The following PI15 variants were observed in gnomAD, a reference collection of about 807,000 sequenced individuals.
PI15 encodes peptidase inhibitor 15, also known as 25 kDa trypsin inhibitor.
Under a neutral mutation model 31.0 loss-of-function variants are expected in PI15, and 18 were observed. That is an observed-to-expected ratio of 0.58 (90% CI 0.40 to 0.86). The LOEUF (loss-of-function observed/expected upper bound fraction) is 0.86, where lower values mean the gene tolerates loss of function less well. PI15 is among the 40% of genes least tolerant of loss of function. PI15 has a pLI of 0.00. For missense variants in PI15, 282 were observed against 328.1 expected, an observed-to-expected ratio of 0.86 and a Z score of 1.09; for synonymous variants, 118 against 119.1, an observed-to-expected ratio of 0.99 and a Z score of 0.06.
rs1483754475 is a variant in PI15 at position 74,850,957 on chromosome 8, A to T, written c.*1704A>T. On this transcript the variant is annotated 3_prime_UTR_variant, in exon 6 of 6. Transcript: ENST00000260113. Reference sequence around the variant, plus strand: ...AAGCTACTTGTTTAAAATTCCATACACGTTTGCAGTTTCTTGTACACATTT... The same window carrying T: ...AAGCTACTTGTTTAAAATTCCATACTCGTTTGCAGTTTCTTGTACACATTT... 1 of 152,540 alleles carries T rather than the reference A, an allele frequency of 6.6e-6. No individual in the cohort carries two copies. The highest frequency in any genetic ancestry group is 2.4e-5 in the African/African-American group (1 of 41,440). The allele number at this position is 152,540 out of a possible 1,614,324, so 9.4% of individuals were successfully genotyped here.
chr8:74,827,002 T>C (rs894528100), intron 2 of PI15, among the ~76,000 whole-genome samples: 10 of 152,102 alleles, frequency 6.6e-5, no homozygotes, highest in Non-Finnish European at 1.2e-4. Context: ...AGCAAACACA[T>C]TTTTAAAATT....
chr8:74,847,248 C>T (rs1170346950), intron 5 of PI15, among the ~76,000 whole-genome samples: 3 of 151,932 alleles, frequency 2.0e-5, no homozygotes, highest in Admixed American at 6.6e-5. Context: ...GAGTTCAAGA[C>T]CAGCCTGACC....
Position 74,825,012 on chromosome 8 carries a change from C to T in PI15, c.-40-198C>T, listed in dbSNP as rs1810670993. ...TTTTTCTCTGCTATACAAAGTTCCT[C>T]TTAGGGGTCTGCCTCATGACACTAA... is the stretch of plus-strand genomic sequence containing the variant. On this transcript the variant is annotated intron_variant, in intron 1 of 5. Transcript: ENST00000260113. 8.9e-6 allele frequency: 5 copies of T among 561,870 alleles called. No individual in the cohort carries two copies. The East Asian group carries it at 1.1e-4, about 13-fold the overall frequency. The allele number at this position is 561,870 out of a possible 1,614,324, so 34.8% of individuals were successfully genotyped here. A position where few individuals can be genotyped will look rare whatever the true frequency, so the allele number is the denominator to read the frequency against.
At chr8:74,841,866 T>G (rs1810950837) in intron 2 of PI15, among the ~76,000 whole-genome samples, 1 of 152,242 alleles carries the variant, frequency 6.6e-6, no homozygotes, top group Non-Finnish European at 1.5e-5. Flanking sequence ...TTATATGACC[T>G]CTGTGAGTGA....
At chr8:74,830,833 A>G (rs1201719731) in intron 2 of PI15, among the ~76,000 whole-genome samples, 2 of 152,174 alleles carry the variant, frequency 1.3e-5, no homozygotes, top group Non-Finnish European at 2.9e-5. Flanking sequence ...TCTCCAATGC[A>G]TGCTTTCGTG....
At chr8:74,826,762 A>G (rs907244019) in intron 2 of PI15, among the ~76,000 whole-genome samples, 2 of 152,078 alleles carry the variant, frequency 1.3e-5, no homozygotes. Flanking sequence ...ATATGAAGAT[A>G]AAGGTGGTAT....
intron 5 of PI15, 22 bp downstream of exon 5, chr8:74,845,519 AT>A: frequency 7.0e-7 from 1 of 1,423,552 alleles, no homozygotes; most frequent in Non-Finnish European, 9.9e-7. Context: ...GTTGGATTCT[AT>A]TTCCTGGATC....
chr8:74,836,329 G>A (rs184089835), intron 2 of PI15, among the ~76,000 whole-genome samples: 5 of 152,242 alleles, frequency 3.3e-5, no homozygotes, highest in African/African-American at 4.8e-5. Context: ...TGTCATTCAC[G>A]GATACCAGGA....
chr8:74,853,622 T>G lies in PI15; in HGVS notation c.*4369T>G. ...GGTGGTTATGAAGACAAATTCTTAA[T>G]GGCTACTTGACCTACAGCAAAAGCC... On this transcript the variant is annotated 3_prime_UTR_variant, in exon 6 of 6. Transcript: ENST00000260113. 6.6e-6 allele frequency: 1 copy of G among 152,656 alleles called. No individual in the cohort carries two copies. 9.5% of individuals were successfully genotyped at this position (152,656 alleles called of 1,614,324 possible).
chr8:74,841,792 A>T (rs1263097218), intron 2 of PI15, among the ~76,000 whole-genome samples: 1 of 152,184 alleles, frequency 6.6e-6, no homozygotes, highest in Non-Finnish European at 1.5e-5. Flanking sequence ...ATATTTGATA[A>T]ATCAATTTTC....
chr8:74,840,803 A>C (rs1285387421), intron 2 of PI15, among the ~76,000 whole-genome samples: 2 of 152,172 alleles, frequency 1.3e-5, no homozygotes, highest in African/African-American at 4.8e-5. Flanking sequence ...AAACCCTCCT[A>C]GTTTCCTAAA....
rs1460556586 is a variant in PI15, at chr8:74,842,412, A to T, written c.274-1569A>T. Among the ~76,000 whole-genome samples, 3 of 152,138 alleles carry T rather than the reference A, an allele frequency of 2.0e-5. No individual in the cohort carries two copies. The South Asian group carries it at 6.2e-4, about 32-fold the overall frequency. ...ATTTTTCCAGGTAGAATAATATATA[A>T]ATATTATAAATAGTTTAGGAAATAA... On this transcript the variant is annotated intron_variant, in intron 2 of 5. Transcript: ENST00000260113.
In PI15 at chr8:74,825,196, T is replaced by C. The variant is rs1349763414; in HGVS notation, c.-40-14T>C. The C allele has an allele frequency of 2.6e-6, 4 of 1,557,282 alleles. No homozygotes were observed. Among genetic ancestry groups the C allele is most frequent in the East Asian group, 4.5e-5 (2 of 44,454 alleles). On this transcript the variant is annotated splice_polypyrimidine_tract_variant and intron_variant, in intron 1 of 5. Transcript: ENST00000260113. ...TTTTTTCATAGACCCTAACTCTACCTTTCTGCTTTAAAGCAAAGTAAACTC... is the reference window on the plus strand; with the variant it reads ...TTTTTTCATAGACCCTAACTCTACCCTTCTGCTTTAAAGCAAAGTAAACTC...
At position 74,849,407 on chromosome 8, in the gene PI15, ATGTT is replaced by A. The variant is rs1811073541; in HGVS notation, c.*160_*163del. 1 of 522,470 alleles carries A rather than the reference ATGTT, an allele frequency of 1.9e-6. No homozygotes were observed. The highest frequency in any genetic ancestry group is 2.0e-5 in the African/African-American group (1 of 50,398). 32.4% of individuals were successfully genotyped at this position (522,470 alleles called of 1,614,324 possible). Reference sequence around the variant, plus strand: ...TTGTATAAATTAGTGTTTGTCTAGCATGTTTGTTTAATCCTTTGAAATATTTGAA... The same window carrying A: ...TTGTATAAATTAGTGTTTGTCTAGCATGTTTAATCCTTTGAAATATTTGAA... On this transcript the variant is annotated 3_prime_UTR_variant, in exon 6 of 6. Coordinates refer to ENST00000260113, the MANE Select transcript of PI15 (RefSeq NM_015886.5).
chr8:74,849,027 T>G, intron 5 of PI15, 91 bp from the exon 6 acceptor site: 2 of 1,076,202 alleles, frequency 1.9e-6, no homozygotes, highest in Non-Finnish European at 2.7e-6. Context: ...TCATCACATG[T>G]CAATACTTGT....
Position 74,849,317 on chromosome 8 carries a change from G to A in PI15, c.*64G>A. ...AACATGGGCATGTATATATATATAT[G>A]GAGAGAGAATTTTGCACATATTATA... On this transcript the variant is annotated 3_prime_UTR_variant, in exon 6 of 6. Coordinates refer to ENST00000260113, the MANE Select transcript of PI15 (RefSeq NM_015886.5). 1.6e-6 allele frequency: 2 copies of A among 1,218,324 alleles called. No individual in the cohort carries two copies. Among genetic ancestry groups the A allele is most frequent in the Admixed American group, 4.9e-5 (2 of 40,850 alleles). The allele number at this position is 1,218,324 out of a possible 1,614,324, so 75.5% of individuals were successfully genotyped here. A position where few individuals can be genotyped will look rare whatever the true frequency, so the allele number is the denominator to read the frequency against.
chr8:74,845,425 C>T lies in PI15; in HGVS notation c.569C>T (p.Thr190Ile), dbSNP rs1811012109. 6.2e-7 allele frequency: 1 copy of T among 1,614,036 alleles called. No homozygotes were observed. The highest frequency in any genetic ancestry group is 8.5e-7 in the Non-Finnish European group (1 of 1,179,916). Residue 190 changes from threonine to isoleucine, a missense_variant, in exon 5 of 6, where the codon ACT (threonine) becomes ATT (isoleucine). Thr to Ile is a moderately conservative substitution (Grantham distance 89). Transcript: ENST00000260113. The part of the protein sequence containing the change: ...TSNRIGCAIH[T>I]CQNMNVWGSV... ...AATCGGATAGGATGCGCAATTCATA[C>T]TTGCCAAAACATGAATGTTTGGGGA...
intron 5 of PI15, 94 bp from the exon 6 acceptor site, chr8:74,849,024 A>G (rs775124486): frequency 8.8e-6 from 9 of 1,023,854 alleles, no homozygotes; most frequent in Non-Finnish European, 1.2e-5. Flanking sequence ...GGATCATCAC[A>G]TGTCAATACT....
chr8:74,844,040 C>A lies in PI15; in HGVS notation c.333C>A (p.Asp111Glu). 1 of 1,609,198 alleles carries A rather than the reference C, an allele frequency of 6.2e-7. No individual in the cohort carries two copies. The highest frequency in any genetic ancestry group is 8.5e-7 in the Non-Finnish European group (1 of 1,175,604). Reference protein sequence around the residue: ...AEAWAATCIWDHGPSYLLRFL... With the variant: ...AEAWAATCIWEHGPSYLLRFL... ...CTTGGGCGGCTACTTGCATTTGGGACCATGGACCTTCTTACTTACTGAGAT... is the reference window on the plus strand; with the variant it reads ...CTTGGGCGGCTACTTGCATTTGGGAACATGGACCTTCTTACTTACTGAGAT... The change falls in exon 3 of 6, where the codon GAC becomes GAA. Residue 111 changes from aspartate to glutamate, a missense_variant. Asp to Glu is a conservative substitution (Grantham distance 45). Coordinates refer to ENST00000260113, the MANE Select transcript of PI15 (RefSeq NM_015886.5).
Sources: gnomAD v4.1 joint callset for allele counts (sites outside exome capture counted in the v4.1 genomes callset) on GRCh38, gnomAD v4.1.1 for gene constraint, MANE v1.5 for transcripts, NCBI Gene and HGNC (gene_info 2026-07-23, HGNC 2026-07-21) for gene names.